TRPS1: variants seen among roughly 807,000 people sequenced by gnomAD.
TRPS1 encodes the protein zinc finger transcription factor Trps1.
Under a neutral mutation model 101.2 loss-of-function variants are expected in TRPS1, and 6 were observed. The observed-to-expected ratio is 0.06, with a 90% CI of 0.03 to 0.12. TRPS1 has a LOEUF of 0.12. Ranked by LOEUF, TRPS1 falls within the 10% of genes least tolerant of loss-of-function variation. The pLI, the probability that TRPS1 is intolerant of heterozygous loss-of-function variation, is 1.00. For synonymous variants in TRPS1, 578 were observed against 589.8 expected, an observed-to-expected ratio of 0.98 and a Z score of 0.29; for missense variants, 1,363 against 1,567.0, an observed-to-expected ratio of 0.87 and a Z score of 2.20.
intron 5 of TRPS1, among the ~76,000 whole-genome samples, chr8:115,474,045 TA>T (rs1484960245): frequency 1.3e-5 from 2 of 151,990 alleles, no homozygotes; most frequent in African/African-American, 4.8e-5. Flanking sequence ...CAAATCCAAA[TA>T]AAAAAAGAAG....
At chr8:115,626,693 T>C (rs1399775945) in intron 1 of TRPS1, among the ~76,000 whole-genome samples, 2 of 151,828 alleles carry the variant, frequency 1.3e-5, no homozygotes, top group Non-Finnish European at 3.0e-5. Context: ...AAAATGATCA[T>C]TTCTATTAAC....
intron 1 of TRPS1, among the ~76,000 whole-genome samples, chr8:115,657,575 A>C (rs541588568): frequency 1.3e-5 from 2 of 152,258 alleles, no homozygotes; most frequent in Non-Finnish European, 2.9e-5. Context: ...GATGGTGAGA[A>C]TCTTTCAAGT....
intron 3 of TRPS1, among the ~76,000 whole-genome samples, chr8:115,616,630 C>T (rs972130253): frequency 6.6e-6 from 1 of 150,778 alleles, no homozygotes; most frequent in Non-Finnish European, 1.5e-5. Flanking sequence ...TTAATGAATT[C>T]TTCATCTATT....
intron 5 of TRPS1, among the ~76,000 whole-genome samples, chr8:115,560,621 T>G (rs1816923691): frequency 6.6e-6 from 1 of 152,138 alleles, no homozygotes; most frequent in Non-Finnish European, 1.5e-5. Context: ...AAACTGCCCC[T>G]GCTCCTGAAC....
intron 3 of TRPS1, among the ~76,000 whole-genome samples, chr8:115,614,302 G>C (rs1194851693): frequency 3.3e-5 from 5 of 152,130 alleles, no homozygotes; most frequent in Non-Finnish European, 7.4e-5. Context: ...TAAACATTCT[G>C]CATAGAGAAA....
chr8:115,653,141 T>G (rs1040696831), intron 1 of TRPS1, among the ~76,000 whole-genome samples: 13 of 152,068 alleles, frequency 8.5e-5, no homozygotes, highest in Admixed American at 5.2e-4. Context: ...TCTCTCAAAG[T>G]CAAAGAAGAA....
In TRPS1 at chr8:115,552,753, G is replaced by A. The variant is rs3808443; in HGVS notation, c.2700+34248C>T. ...TTATAATTTTTGTAACCATTTGGTT[G>A]TTATAATAAGTGTTCCCATTAGCTC... On this transcript the variant is annotated intron_variant, in intron 5 of 6. Transcript: ENST00000395715. 6.2e-3 allele frequency among the ~76,000 whole-genome samples: 948 copies of A among 152,152 alleles called. 37 individuals carry two copies. The East Asian group carries it at 0.11, about 17-fold the overall frequency.
chr8:115,490,050 G>C (rs1337609427), intron 5 of TRPS1, among the ~76,000 whole-genome samples: 1 of 151,992 alleles, frequency 6.6e-6, no homozygotes, highest in African/African-American at 2.4e-5. Flanking sequence ...CTGGCTGATG[G>C]TTATCTCTAC....
Position 115,619,961 on chromosome 8 carries a change from T to C in TRPS1, c.137A>G (p.Lys46Arg), listed in dbSNP as rs1028371827. Residue 46 changes from lysine (K) to arginine (R), a missense_variant, in exon 3 of 7, where the codon AAG becomes AGG. Physicochemically the swap from Lys to Arg is conservative, Grantham distance 26 (BLOSUM62 2). Around this residue, in one of 5 missense-constraint regions of TRPS1, gnomAD observed 1,020 missense variants for 1,073.0 expected, o/e 0.95. Coordinates refer to ENST00000395715, the MANE Select transcript of TRPS1 (RefSeq NM_014112.5). ...CTGATCTGCAGAAAATTCTTTGTTC[T>C]TTCCAGATACCTTGCTTTCTGTACC... Reference protein sequence around the residue: ...PIGTESKVSGKNKEFSADQMS... With the variant: ...PIGTESKVSGRNKEFSADQMS... 8 of 1,614,094 alleles carry C rather than the reference T, an allele frequency of 5.0e-6. No homozygotes were observed. The highest frequency in any genetic ancestry group is 6.8e-6 in the Non-Finnish European group (8 of 1,180,056).
intron 5 of TRPS1, among the ~76,000 whole-genome samples, chr8:115,498,415 C>CTATATATATA (rs67505193): frequency 5.3e-4 from 21 of 39,312 alleles, no homozygotes; most frequent in Admixed American, 1.4e-3. Context: ...CTCTCTCTCT[C>CTATATATATA]TATATATATA....
chr8:115,546,940 G>C (rs1816588023), intron 5 of TRPS1, among the ~76,000 whole-genome samples: 2 of 152,172 alleles, frequency 1.3e-5, no homozygotes, highest in Non-Finnish European at 2.9e-5. Flanking sequence ...TACGTTAACT[G>C]TTCCCACAAA....
intron 5 of TRPS1, among the ~76,000 whole-genome samples, chr8:115,562,349 CTTTT>C (rs1816965601): frequency 1.3e-5 from 2 of 151,842 alleles, no homozygotes; most frequent in Non-Finnish European, 2.9e-5. Flanking sequence ...ATTTTCCTAA[CTTTT>C]TTCAATATTT....
chr8:115,518,301 T>C (rs1195825892), intron 5 of TRPS1, among the ~76,000 whole-genome samples: 1 of 151,820 alleles, frequency 6.6e-6, no homozygotes, highest in African/African-American at 2.4e-5. Context: ...AAAAATACAC[T>C]TTTATTATTC....
chr8:115,664,232 A>G lies in TRPS1; in HGVS notation c.-122+4313T>C, dbSNP rs192539427. On this transcript the variant is annotated intron_variant, in intron 1 of 6. Transcript: ENST00000395715. ...ATCCACTGGTTACAGCTTTTGGGAG[A>G]CAAATTATTTTTAAAATTACACTAA... Among the ~76,000 whole-genome samples, 3 of 152,184 alleles carry G rather than the reference A, an allele frequency of 2.0e-5. No individual in the cohort carries two copies. In the East Asian group the frequency reaches 5.8e-4, roughly 29 times the overall value.
chr8:115,482,374 CAA>C (rs1243414079), intron 5 of TRPS1, among the ~76,000 whole-genome samples: 7 of 152,050 alleles, frequency 4.6e-5, no homozygotes, highest in Non-Finnish European at 1.0e-4. Context: ...TTTGGCTGTA[CAA>C]AGTCTTACAG....
At chr8:115,587,959 C>A (rs553105317) in intron 4 of TRPS1, among the ~76,000 whole-genome samples, 1 of 152,350 alleles carries the variant, frequency 6.6e-6, no homozygotes, top group East Asian at 1.9e-4. Flanking sequence ...ATGCCCCACT[C>A]TGTTCATTTT....
intron 5 of TRPS1, chr8:115,511,257 A>T (rs778106450): frequency 5.3e-5 from 8 of 151,906 alleles, no homozygotes; most frequent in South Asian, 2.1e-4. Context: ...AATGCTGTTC[A>T]ATCAGATATT....
chr8:115,656,683 TCTAA>T (rs1203122359), intron 1 of TRPS1, among the ~76,000 whole-genome samples: 3 of 152,120 alleles, frequency 2.0e-5, no homozygotes, highest in Non-Finnish European at 4.4e-5. Context: ...AGGATTTCCC[TCTAA>T]CTACTCCTTA....
At chr8:115,457,961 G>A (rs920561345) in intron 5 of TRPS1, among the ~76,000 whole-genome samples, 1 of 152,166 alleles carries the variant, frequency 6.6e-6, no homozygotes, top group Non-Finnish European at 1.5e-5. Flanking sequence ...ATATAAATTG[G>A]AGAAGTAAAA....
Sources: allele counts gnomAD v4.1 joint callset (sites outside exome capture counted in the v4.1 genomes callset), GRCh38; gene constraint gnomAD v4.1.1; regional missense constraint gnomAD v4.1.1; transcripts MANE v1.5; gene names NCBI Gene and HGNC (gene_info 2026-07-23, HGNC 2026-07-21).